Variants in LMO4 observed in about 807,000 individuals in gnomAD.
The protein encoded by LMO4 is LIM domain only 4, also known as LIM domain transcription factor LMO4.
LMO4 carries 3 observed loss-of-function variants against 18.5 expected under a neutral mutation model. The observed-to-expected ratio is 0.16, with a 90% CI of 0.07 to 0.42. The LOEUF is 0.42. Among genes scored for constraint, LMO4 ranks in the 10% least tolerant of loss-of-function variants. The probability of loss-of-function intolerance (pLI) is 0.99; values close to 1 mark genes in which losing one functional copy is unlikely to be tolerated. For missense variants in LMO4, 121 were observed against 219.9 expected (o/e 0.55, Z 2.84); for synonymous variants, 100 against 88.1 (o/e 1.14, Z -0.76).
chr1:87,329,108 C>T lies in LMO4; in HGVS notation c.-140C>T, dbSNP rs1406821580. 2 of 151,566 alleles carry T rather than the reference C, an allele frequency of 1.3e-5. No individual in the cohort carries two copies. The highest frequency in any genetic ancestry group is 2.9e-5 in the Non-Finnish European group (2 of 67,916). 9.4% of individuals were successfully genotyped at this position (151,566 alleles called of 1,614,324 possible). A position where few individuals can be genotyped will look rare whatever the true frequency, so the allele number is the denominator to read the frequency against. On this transcript the variant is annotated 5_prime_UTR_variant, in exon 1 of 5. Coordinates refer to ENST00000370544, the MANE Select transcript of LMO4 (RefSeq NM_006769.4). ...AAGCCGCCCTTAGCCCCCTCCTCCC[C>T]TTTCCTGCTTCTGCGAGAACTCCCT...
chr1:87,336,932 CT>C lies in LMO4; in HGVS notation c.237-2603del, dbSNP rs987709629. On this transcript the variant is annotated intron_variant, in intron 2 of 4. Coordinates refer to ENST00000370544, the MANE Select transcript of LMO4 (RefSeq NM_006769.4). ...ATCAAACACTGTCCGGACAGTCCCC[CT>C]GGTTAGATAATTAACTCTCCAGCGC... 2.6e-5 allele frequency among the ~76,000 whole-genome samples: 4 copies of C among 152,216 alleles called. No homozygotes were observed. The South Asian group carries it at 6.2e-4, about 24-fold the overall frequency.
rs1430018601 is a variant in LMO4, at chr1:87,332,295, G to A, written c.236+44G>A. On this transcript the variant is annotated intron_variant, in intron 2 of 4. Transcript: ENST00000370544. Reference sequence around the variant, plus strand: ...TCCTGGAGATGGGGGGAAGAGCAATGGCAAGGCCAAAGGTTAACAGGGTTG... The same window carrying A: ...TCCTGGAGATGGGGGGAAGAGCAATAGCAAGGCCAAAGGTTAACAGGGTTG... 3.4e-6 allele frequency: 5 copies of A among 1,472,826 alleles called. No individual in the cohort carries two copies. In the East Asian group the frequency reaches 9.1e-5, roughly 27 times the overall value. 91.2% of individuals were successfully genotyped at this position (1,472,826 alleles called of 1,614,324 possible).
chr1:87,334,465 C>CCT (rs1442874480), intron 2 of LMO4, among the ~76,000 whole-genome samples: 1 of 152,178 alleles, frequency 6.6e-6, no homozygotes, highest in African/African-American at 2.4e-5. Context: ...TCAGCTACCC[C>CCT]CTCTCCAATG....
At position 87,348,530 on chromosome 1, in the gene LMO4, TC is replaced by T. The variant is rs1257911465; in HGVS notation, c.*3737del. On this transcript the variant is annotated 3_prime_UTR_variant, in exon 5 of 5. Coordinates refer to ENST00000370544, the MANE Select transcript of LMO4 (RefSeq NM_006769.4). ...GAACGCATGTTAAACAGCCAGCTAC[TC>T]CCACTTGCAGAGTCTGAGATCTGAC... 3.0e-5 allele frequency: 11 copies of T among 361,176 alleles called. No homozygotes were observed. Among genetic ancestry groups the T allele is most frequent in the Non-Finnish European group, 5.6e-5 (10 of 178,292 alleles). 22.4% of individuals were successfully genotyped at this position (361,176 alleles called of 1,614,324 possible).
At chr1:87,337,762 G>C (rs1650353298) in intron 2 of LMO4, among the ~76,000 whole-genome samples, 1 of 152,164 alleles carries the variant, frequency 6.6e-6, no homozygotes, top group East Asian at 1.9e-4. Context: ...CCCCTTCTGA[G>C]AACTCCCCTG....
At position 87,340,027 on chromosome 1, in the gene LMO4, GGTTT is replaced by G; in HGVS notation, c.334-15_334-12del. 1 of 1,606,482 alleles carries G rather than the reference GGTTT, an allele frequency of 6.2e-7. No homozygotes were observed. Among genetic ancestry groups the G allele is most frequent in the Non-Finnish European group, 8.5e-7 (1 of 1,176,778 alleles). On this transcript the variant is annotated splice_polypyrimidine_tract_variant and intron_variant, in intron 3 of 4. Transcript: ENST00000370544. ...CTTAATTTTTACCTTGTTTTCAGTG[GGTTT>G]GTTTTTCCCTTTCAGTGTTTTACAT...
intron 2 of LMO4, among the ~76,000 whole-genome samples, chr1:87,338,705 G>A (rs1440662382): frequency 6.6e-6 from 1 of 151,976 alleles, no homozygotes; most frequent in Non-Finnish European, 1.5e-5. Context: ...TCCCCCCATG[G>A]CAGATGTTGT....
chr1:87,334,520 C>G (rs1650243194), intron 2 of LMO4, among the ~76,000 whole-genome samples: 1 of 152,206 alleles, frequency 6.6e-6, no homozygotes. Flanking sequence ...GCCGCAGGGA[C>G]CGCTGCAGAA....
intron 2 of LMO4, among the ~76,000 whole-genome samples, chr1:87,338,917 A>AGG (rs1557615431): frequency 6.6e-6 from 1 of 152,204 alleles, no homozygotes; most frequent in Non-Finnish European, 1.5e-5. Context: ...TTTCATTATC[A>AGG]AGAGAGAGAG....
rs1319669997 is a variant in LMO4, at chr1:87,348,693, A to G, written c.*3897A>G. ...TTTTTGGAAGGTGAACTTGCAACTT[A>G]CCTCAAGTGAATACTGTTTTCAGTT... On this transcript the variant is annotated 3_prime_UTR_variant, in exon 5 of 5. Transcript: ENST00000370544. The G allele has an allele frequency of 2.0e-6, 1 of 506,780 alleles. No homozygotes were observed. Among genetic ancestry groups the G allele is most frequent in the East Asian group, 5.5e-5 (1 of 18,042 alleles). 31.4% of individuals were successfully genotyped at this position (506,780 alleles called of 1,614,324 possible).
rs1650697674 is a variant in LMO4 at position 87,348,527 on chromosome 1, T to G, written c.*3731T>G. 2.8e-6 allele frequency: 1 copy of G among 361,236 alleles called. No homozygotes were observed. Among genetic ancestry groups the G allele is most frequent in the African/African-American group, 2.1e-5 (1 of 47,202 alleles). The allele number at this position is 361,236 out of a possible 1,614,324, so 22.4% of individuals were successfully genotyped here. A position where few individuals can be genotyped will look rare whatever the true frequency, so the allele number is the denominator to read the frequency against. ...TCTGAACGCATGTTAAACAGCCAGC[T>G]ACTCCCACTTGCAGAGTCTGAGATC... is the stretch of plus-strand genomic sequence containing the variant. On this transcript the variant is annotated 3_prime_UTR_variant, in exon 5 of 5. Coordinates refer to ENST00000370544, the MANE Select transcript of LMO4 (RefSeq NM_006769.4).
chr1:87,347,571 C>T lies in LMO4; in HGVS notation c.*2775C>T, dbSNP rs1186478486. The stretch of plus-strand genomic sequence containing the variant: ...GAAAGGACTTATTTAATATTAACCA[C>T]GTCATAGAGCAAGATGGCCCCCAGT... On this transcript the variant is annotated 3_prime_UTR_variant, in exon 5 of 5. Coordinates refer to ENST00000370544, the MANE Select transcript of LMO4 (RefSeq NM_006769.4). 3.3e-5 allele frequency: 5 copies of T among 152,086 alleles called. No homozygotes were observed. Among genetic ancestry groups the T allele is most frequent in the Non-Finnish European group, 5.9e-5 (4 of 68,012 alleles). The allele number at this position is 152,086 out of a possible 1,614,324, so 9.4% of individuals were successfully genotyped here.
intron 2 of LMO4, 138 bp from the exon 3 acceptor site, chr1:87,339,396 CAG>C (rs1650407965): frequency 4.9e-6 from 3 of 610,820 alleles, no homozygotes; most frequent in African/African-American, 1.8e-5. Flanking sequence ...GTAAATCACT[CAG>C]AAAATCTGAG....
intron 4 of LMO4, among the ~76,000 whole-genome samples, chr1:87,341,844 A>T (rs1454544245): frequency 2.0e-5 from 3 of 152,214 alleles, no homozygotes; most frequent in African/African-American, 7.2e-5. Flanking sequence ...GTGCCAAGAC[A>T]TATAAATGCT....
chr1:87,331,059 G>GCC (rs1436098787), intron 1 of LMO4, among the ~76,000 whole-genome samples: 1 of 1,724 alleles, frequency 5.8e-4, no homozygotes, highest in Non-Finnish European at 2.1e-3. Flanking sequence ...CTGTAACGCC[G>GCC]CCCGCCCCCC....
chr1:87,337,664 A>G lies in LMO4; in HGVS notation c.237-1872A>G, dbSNP rs181463321. On this transcript the variant is annotated intron_variant, in intron 2 of 4. Transcript: ENST00000370544. The stretch of plus-strand genomic sequence containing the variant: ...ACTTTATTTTTACCCAAATTGTTTG[A>G]ATTTGGTATCCCTTTTGGGGGTTGG... Among the ~76,000 whole-genome samples the G allele has an allele frequency of 2.6e-5, 4 of 152,234 alleles. No individual in the cohort carries two copies. In the East Asian group the frequency reaches 7.7e-4, roughly 29 times the overall value.
At position 87,346,272 on chromosome 1, in the gene LMO4, G is replaced by A. The variant is rs12069892; in HGVS notation, c.*1476G>A. 2,331 of 152,272 alleles carry A rather than the reference G, an allele frequency of 0.015. 51 individuals carry two copies. Among genetic ancestry groups the A allele is most frequent in the African/African-American group, 0.054 (2,244 of 41,542 alleles). The allele number at this position is 152,272 out of a possible 1,614,324, so 9.4% of individuals were successfully genotyped here. A position where few individuals can be genotyped will look rare whatever the true frequency, so the allele number is the denominator to read the frequency against. ...GATACTGAGTTGCTGGTTGCAGGCA[G>A]CAGAGTGTCCACCACAGTGCCTGCA... On this transcript the variant is annotated 3_prime_UTR_variant, in exon 5 of 5. Transcript: ENST00000370544.
chr1:87,332,348 A>T, intron 2 of LMO4, 97 bp downstream of exon 2: 1 of 890,254 alleles, frequency 1.1e-6, no homozygotes, highest in Admixed American at 2.3e-5. Flanking sequence ...GTCTACGGGG[A>T]GTATGCAGCC....
chr1:87,343,447 CT>C (rs1286358258), intron 4 of LMO4, among the ~76,000 whole-genome samples: 2 of 152,082 alleles, frequency 1.3e-5, no homozygotes, highest in African/African-American at 4.8e-5. Flanking sequence ...GGAATTGTGG[CT>C]AATTTTTTCT....
Sources: gnomAD v4.1 joint callset for allele counts (sites outside exome capture counted in the v4.1 genomes callset) on GRCh38, gnomAD v4.1.1 for gene constraint, MANE v1.5 for transcripts, NCBI Gene and HGNC (gene_info 2026-07-23, HGNC 2026-07-21) for gene names.